The following EYA1 variants were observed in gnomAD, a reference collection of about 807,000 sequenced individuals.
The protein encoded by EYA1 is protein phosphatase EYA1.
A neutral mutation model predicts 82.0 loss-of-function variants in EYA1; 16 were observed. The observed-to-expected ratio is 0.20, with a 90% CI of 0.13 to 0.30. The LOEUF is 0.30. Ranked by LOEUF, EYA1 falls within the 10% of genes least tolerant of loss-of-function variation. The pLI is 1.00. For synonymous variants in EYA1, 261 were observed against 264.4 expected, an observed-to-expected ratio of 0.99 and a Z score of 0.12; for missense variants, 633 against 730.7, an observed-to-expected ratio of 0.87 and a Z score of 1.54.
chr8:71,309,348 A>G (rs1303657937), intron 7 of EYA1, among the ~76,000 whole-genome samples: 1 of 125,636 alleles, frequency 8.0e-6, no homozygotes, highest in East Asian at 2.4e-4. Flanking sequence ...TATTACTTAT[A>G]CAATCAATTT....
intron 2 of EYA1, among the ~76,000 whole-genome samples, chr8:71,417,754 C>T (rs944671629): frequency 6.6e-6 from 1 of 152,146 alleles, no homozygotes; most frequent in Admixed American, 6.6e-5. Flanking sequence ...GGTTGAGAAA[C>T]CCTGCTTCAG....
chr8:71,527,698 A>C (rs781099162), intron 2 of EYA1, among the ~76,000 whole-genome samples: 3 of 152,198 alleles, frequency 2.0e-5, no homozygotes, highest in Non-Finnish European at 2.9e-5. Context: ...GGAAGGGCTC[A>C]CTGAGGTAAC....
intron 16 of EYA1, among the ~76,000 whole-genome samples, chr8:71,214,799 T>G (rs1242107365): frequency 6.6e-6 from 1 of 152,212 alleles, no homozygotes; most frequent in Non-Finnish European, 1.5e-5. Flanking sequence ...CATGTAACTG[T>G]CTGCTTCCCC....
intron 2 of EYA1, among the ~76,000 whole-genome samples, chr8:71,420,482 T>C (rs1831088184): frequency 6.6e-6 from 1 of 152,178 alleles, no homozygotes; most frequent in Non-Finnish European, 1.5e-5. Context: ...TTTAAAAAAA[T>C]TAAAATACAC....
At chr8:71,515,271 T>C (rs1812892623) in intron 2 of EYA1, among the ~76,000 whole-genome samples, 2 of 152,168 alleles carry the variant, frequency 1.3e-5, no homozygotes, top group Admixed American at 6.6e-5. Context: ...TTCCCACAGC[T>C]GGTCAGTGGC....
chr8:71,205,604 G>A (rs1436028264), intron 17 of EYA1, among the ~76,000 whole-genome samples: 5 of 152,160 alleles, frequency 3.3e-5, no homozygotes, highest in African/African-American at 1.2e-4. Flanking sequence ...TCTTCTCTTT[G>A]AAGGAGGTAC....
At chr8:71,513,604 G>C (rs1812754267) in intron 2 of EYA1, among the ~76,000 whole-genome samples, 1 of 151,994 alleles carries the variant, frequency 6.6e-6, no homozygotes, top group Non-Finnish European at 1.5e-5. Context: ...GAGTCATAAA[G>C]CATTCAGTTA....
intron 1 of EYA1, among the ~76,000 whole-genome samples, chr8:71,358,313 A>T (rs1827082973): frequency 6.6e-6 from 1 of 152,186 alleles, no homozygotes; most frequent in Non-Finnish European, 1.5e-5. Context: ...CATTTTCACG[A>T]CAACACATTT....
intron 2 of EYA1, among the ~76,000 whole-genome samples, chr8:71,462,174 G>A (rs571714754): frequency 1.4e-4 from 22 of 152,264 alleles, no homozygotes; most frequent in Admixed American, 3.3e-4. Flanking sequence ...TCCTGCCACC[G>A]TCCATGGTGC....
chr8:71,513,049 G>A (rs1175757105), intron 2 of EYA1, among the ~76,000 whole-genome samples: 1 of 152,052 alleles, frequency 6.6e-6, no homozygotes, highest in Non-Finnish European at 1.5e-5. Flanking sequence ...CTAAAAACAA[G>A]GGTAAAAAAG....
intron 2 of EYA1, among the ~76,000 whole-genome samples, chr8:71,502,782 C>A (rs1038185586): frequency 3.3e-5 from 5 of 152,102 alleles, no homozygotes; most frequent in Non-Finnish European, 5.9e-5. Flanking sequence ...GCCTTGAAAC[C>A]GCCAGTCAAC....
At chr8:71,485,120 A>G (rs760619490) in intron 2 of EYA1, among the ~76,000 whole-genome samples, 1 of 152,234 alleles carries the variant, frequency 6.6e-6, no homozygotes, top group African/African-American at 2.4e-5. Flanking sequence ...GGTATATGTT[A>G]AAGTTTGTGA....
intron 2 of EYA1, among the ~76,000 whole-genome samples, chr8:71,414,268 C>T (rs1387996890): frequency 6.6e-6 from 1 of 152,186 alleles, no homozygotes; most frequent in Non-Finnish European, 1.5e-5. Context: ...CTTACAGCAG[C>T]TCTCCCAGTG....
chr8:71,540,936 C>A (rs1470294979), intron 1 of EYA1, among the ~76,000 whole-genome samples: 1 of 152,098 alleles, frequency 6.6e-6, no homozygotes, highest in African/African-American at 2.4e-5. Flanking sequence ...ATAAACATAT[C>A]AAATCAAGGG....
chr8:71,234,362 T>C (rs1223423755), intron 12 of EYA1, among the ~76,000 whole-genome samples: 1 of 152,222 alleles, frequency 6.6e-6, no homozygotes, highest in African/African-American at 2.4e-5. Context: ...CTTGATCCTT[T>C]CTGTCTTCAC....
At chr8:71,533,187 A>G (rs1281454327) in intron 2 of EYA1, among the ~76,000 whole-genome samples, 1 of 152,248 alleles carries the variant, frequency 6.6e-6, no homozygotes, top group Non-Finnish European at 1.5e-5. Flanking sequence ...AGCTCTTCCA[A>G]TTTATGACAC....
intron 11 of EYA1, among the ~76,000 whole-genome samples, chr8:71,267,319 A>C (rs1432736535): frequency 2.0e-5 from 3 of 152,082 alleles, no homozygotes; most frequent in Non-Finnish European, 4.4e-5. Flanking sequence ...TTGCCTCTGC[A>C]CTTACTGTTT....
chr8:71,298,959 AACCACTGCATG>A, intron 9 of EYA1, 77 bp downstream of exon 9: 1 of 1,339,148 alleles, frequency 7.5e-7, no homozygotes, highest in Non-Finnish European at 1.1e-6. Flanking sequence ...AAAATTGTGC[AACCACTGCATG>A]AATATATGAC....
chr8:71,356,711 T>C, intron 1 of EYA1, 200 bp from the exon 2 acceptor site: 1 of 1,247,750 alleles, frequency 8.0e-7, no homozygotes, highest in Non-Finnish European at 1.0e-6. Context: ...TCTATCCTCC[T>C]CCTCCCCTTG....
Sources: allele counts gnomAD v4.1 joint callset (sites outside exome capture counted in the v4.1 genomes callset), GRCh38; gene constraint gnomAD v4.1.1; transcripts MANE v1.5; gene names NCBI Gene and HGNC (gene_info 2026-07-23, HGNC 2026-07-21).